The following MAK variants were observed in gnomAD, a reference collection of about 807,000 sequenced individuals.
MAK encodes the protein serine/threonine-protein kinase MAK.
Under a neutral mutation model 82.6 loss-of-function variants are expected in MAK, and 65 were observed. The observed-to-expected ratio is 0.79, with a 90% CI of 0.64 to 0.97. MAK has a LOEUF of 0.97. MAK is among the 50% of genes least tolerant of loss of function. The pLI, the probability that MAK is intolerant of heterozygous loss-of-function variation, is 0.00. For missense variants in MAK, 703 were observed against 780.2 expected (o/e 0.90, Z 1.18); for synonymous variants, 250 against 274.2 (o/e 0.91, Z 0.87).
At chr6:10,797,665 T>A in intron 8 of MAK, 1 of 985,456 alleles carries the variant, frequency 1.0e-6, no homozygotes, top group Non-Finnish European at 1.2e-6. Flanking sequence ...CTTAAGATGG[T>A]CAAGCTCTGT....
chr6:10,834,189 A>G (rs1285993269), intron 1 of MAK, among the ~76,000 whole-genome samples: 1 of 152,214 alleles, frequency 6.6e-6, no homozygotes, highest in Non-Finnish European at 1.5e-5. Context: ...AAGGTGACAT[A>G]TATCTATCTC....
At chr6:10,813,122 ATATATATATATAAATTTTTTTT>A (rs1777143711) in intron 5 of MAK, among the ~76,000 whole-genome samples, 11 of 1,620 alleles carry the variant, frequency 6.8e-3, no homozygotes, top group Admixed American at 0.021. Context: ...ATATATATAT[ATATATATATATAAATTTTTTTT>A]TTTTTTTTTT....
At chr6:10,808,165 C>G (rs559797591) in intron 6 of MAK, among the ~76,000 whole-genome samples, 3 of 152,246 alleles carry the variant, frequency 2.0e-5, no homozygotes, top group African/African-American at 7.2e-5. Flanking sequence ...TGCTTGCTAT[C>G]CTGACTTTCA....
At chr6:10,802,444 T>C in intron 7 of MAK, 1 of 200,766 alleles carries the variant, frequency 5.0e-6, no homozygotes, top group South Asian at 8.3e-5. Flanking sequence ...TAGCTGGGAC[T>C]ACAGGTGCGC....
At chr6:10,769,763 T>C (rs915875790) in intron 14 of MAK, among the ~76,000 whole-genome samples, 10 of 152,212 alleles carry the variant, frequency 6.6e-5, no homozygotes, top group African/African-American at 2.4e-4. Flanking sequence ...ACTAGCTGTG[T>C]GACCTCAGGT....
intron 7 of MAK, among the ~76,000 whole-genome samples, chr6:10,803,133 C>G (rs930223573): frequency 6.6e-6 from 1 of 152,160 alleles, no homozygotes; most frequent in African/African-American, 2.4e-5. Context: ...AAGTTACACT[C>G]TAAACACACA....
Position 10,813,112 on chromosome 6 carries a change from ATATATATATATATATATATATAAATT to A in MAK, c.358+506_358+531del, listed in dbSNP as rs1777118129. On this transcript the variant is annotated intron_variant, in intron 5 of 14. Transcript: ENST00000354489. ...TATATATATATATATATATATATAT[ATATATATATATATATATATATAAATT>A]TTTTTTTTTTTTTTTTTTTTTTTTT... is the stretch of plus-strand genomic sequence containing the variant. Among the ~76,000 whole-genome samples, 4 of 2,410 alleles carry A rather than the reference ATATATATATATATATATATATAAATT, an allele frequency of 1.7e-3. 1 individual carries two copies. Among genetic ancestry groups the A allele is most frequent in the African/African-American group, 3.1e-3 (4 of 1,276 alleles). 1.6% of individuals were successfully genotyped at this position (2,410 alleles called of 152,430 possible).
intron 11 of MAK, among the ~76,000 whole-genome samples, chr6:10,784,025 A>G (rs1774283195): frequency 1.3e-5 from 2 of 152,192 alleles, no homozygotes; most frequent in Non-Finnish European, 2.9e-5. Context: ...TCTCAAAAAA[A>G]ACAAAAAAAC....
intron 6 of MAK, among the ~76,000 whole-genome samples, chr6:10,804,887 T>C (rs1410312206): frequency 6.6e-6 from 1 of 152,142 alleles, no homozygotes; most frequent in African/African-American, 2.4e-5. Flanking sequence ...CATTGTAATG[T>C]TGATGAGAAA....
In MAK at chr6:10,817,971, A is replaced by C; in HGVS notation, c.157T>G (p.Ser53Ala). The change falls in exon 4 of 15, where the codon TCT becomes GCT. Residue 53 changes from serine to alanine, a missense_variant and splice_region_variant. Coordinates refer to ENST00000354489, the MANE Select transcript of MAK (RefSeq NM_001242957.3). ...TTGGCATGATTAAGTTTCTTCAGAG[A>C]CTGAAAAATAACAAATATGCCTTAA... ...DECMNLREVK[S>A]LKKLNHANVI... 1 of 1,438,972 alleles carries C rather than the reference A, an allele frequency of 6.9e-7. No individual in the cohort carries two copies. The highest frequency in any genetic ancestry group is 9.5e-7 in the Non-Finnish European group (1 of 1,047,608). The allele number at this position is 1,438,972 out of a possible 1,614,324, so 89.1% of individuals were successfully genotyped here.
intron 1 of MAK, among the ~76,000 whole-genome samples, chr6:10,832,147 GGC>G (rs1050526458): frequency 1.1e-4 from 17 of 152,218 alleles, no homozygotes; most frequent in African/African-American, 3.6e-4. Flanking sequence ...CACCACACCT[GGC>G]TAATTTTTGT....
rs1777161089 is a variant in MAK at position 10,813,128 on chromosome 6, ATATATAAATTTTTTTTTT to A, written c.358+498_358+515del. Among the ~76,000 whole-genome samples, 4 of 682 alleles carry A rather than the reference ATATATAAATTTTTTTTTT, an allele frequency of 5.9e-3. 1 individual carries two copies. The highest frequency in any genetic ancestry group is 0.02 in the African/African-American group (4 of 204). 0.4% of individuals were successfully genotyped at this position (682 alleles called of 152,430 possible). On this transcript the variant is annotated intron_variant, in intron 5 of 14. Coordinates refer to ENST00000354489, the MANE Select transcript of MAK (RefSeq NM_001242957.3). ...TATATATATATATATATATATATAT[ATATATAAATTTTTTTTTT>A]TTTTTTTTTTTTTTTTTTTTGAGAT...
At chr6:10,812,731 T>C (rs369881975) in intron 5 of MAK, among the ~76,000 whole-genome samples, 2 of 152,050 alleles carry the variant, frequency 1.3e-5, no homozygotes, top group East Asian at 3.9e-4. Context: ...AAAATTCTGC[T>C]GTGGTGGAAG....
intron 11 of MAK, among the ~76,000 whole-genome samples, chr6:10,784,026 A>C (rs1040539358): frequency 1.3e-5 from 2 of 152,152 alleles, no homozygotes; most frequent in East Asian, 3.8e-4. Flanking sequence ...CTCAAAAAAA[A>C]CAAAAAAACA....
chr6:10,803,655 TAAAAGC>T, intron 7 of MAK, 59 bp downstream of exon 7: 1 of 1,412,108 alleles, frequency 7.1e-7, no homozygotes, highest in Non-Finnish European at 1.0e-6. Context: ...ATTATAAAAT[TAAAAGC>T]AAAGTAGCAA....
intron 1 of MAK, among the ~76,000 whole-genome samples, chr6:10,834,967 G>C (rs1008666306): frequency 1.3e-5 from 2 of 152,286 alleles, no homozygotes; most frequent in African/African-American, 2.4e-5. Flanking sequence ...GCCCTGCTCA[G>C]CTGGCGCTGT....
chr6:10,780,814 T>C (rs1455008720), intron 11 of MAK, among the ~76,000 whole-genome samples: 1 of 152,182 alleles, frequency 6.6e-6, no homozygotes, highest in Admixed American at 6.5e-5. Context: ...TGAACCTATG[T>C]TTTGAAAACT....
At chr6:10,786,007 G>A (rs1360400822) in intron 10 of MAK, among the ~76,000 whole-genome samples, 1 of 152,224 alleles carries the variant, frequency 6.6e-6, no homozygotes, top group Non-Finnish European at 1.5e-5. Context: ...CACTTTGAGA[G>A]GCAAAGGCAG....
At chr6:10,834,967 G>A (rs1008666306) in intron 1 of MAK, among the ~76,000 whole-genome samples, 1 of 152,170 alleles carries the variant, frequency 6.6e-6, no homozygotes, top group Non-Finnish European at 1.5e-5. Flanking sequence ...GCCCTGCTCA[G>A]CTGGCGCTGT....
Sources: allele counts gnomAD v4.1 joint callset (sites outside exome capture counted in the v4.1 genomes callset), GRCh38; gene constraint gnomAD v4.1.1; transcripts MANE v1.5; gene names NCBI Gene and HGNC (gene_info 2026-07-23, HGNC 2026-07-21).